The following SLC35F3 variants were observed in gnomAD, a reference collection of about 807,000 sequenced individuals.
The protein encoded by SLC35F3 is solute carrier family 35 member F3.
In SLC35F3, 25 loss-of-function variants were observed where a neutral mutation model predicts 49.9. The observed-to-expected ratio is 0.50, with a 90% CI of 0.37 to 0.70. The LOEUF is 0.70. Among genes scored for constraint, SLC35F3 ranks in the 30% least tolerant of loss-of-function variants. SLC35F3 has a pLI of 0.00. For missense variants in SLC35F3, 525 were observed against 639.8 expected, an observed-to-expected ratio of 0.82 and a Z score of 1.94; for synonymous variants, 275 against 265.4, an observed-to-expected ratio of 1.04 and a Z score of -0.35.
rs1657671485 is a variant in SLC35F3, at chr1:234,323,177, C to T, written c.1407C>T (p.Gly469=). The T allele has an allele frequency of 2.5e-6, 4 of 1,614,116 alleles. No individual in the cohort carries two copies. The highest frequency in any genetic ancestry group is 3.4e-6 in the Non-Finnish European group (4 of 1,180,022). ...KVRKKEEPAE[G]AADLSSGPQS... ...GGAAGAAGGAGGAGCCTGCAGAGGG[C>T]GCTGCCGACCTGAGCTCAGGACCTC... The change falls in exon 8 of 8, where the codon GGC becomes GGT. Residue 469 remains glycine (G), a synonymous_variant. Coordinates refer to ENST00000366618, the MANE Select transcript of SLC35F3 (RefSeq NM_173508.4). The surrounding 1 kb of genome is among the most constrained non-coding windows in gnomAD (Gnocchi z 4.5).
At chr1:234,058,575 C>T (rs1028147511) in intron 2 of SLC35F3, among the ~76,000 whole-genome samples, 1 of 152,030 alleles carries the variant, frequency 6.6e-6, no homozygotes, top group Non-Finnish European at 1.5e-5. Flanking sequence ...GAACTTCTGG[C>T]CTGAAATGAT....
intron 2 of SLC35F3, among the ~76,000 whole-genome samples, chr1:233,996,257 C>T (rs1663458662): frequency 6.6e-6 from 1 of 152,138 alleles, no homozygotes; most frequent in African/African-American, 2.4e-5. Flanking sequence ...ATAGCATTTA[C>T]ATTGTGTTAG....
intron 2 of SLC35F3, among the ~76,000 whole-genome samples, chr1:234,218,657 A>G (rs1667158028): frequency 6.6e-6 from 1 of 152,216 alleles, no homozygotes; most frequent in Non-Finnish European, 1.5e-5. Flanking sequence ...CCCAGGCTTC[A>G]AATCTATATC....
rs777344704 is a variant in SLC35F3, at chr1:234,231,411, C to A, written c.284-6C>A. 6.5e-7 allele frequency: 1 copy of A among 1,534,390 alleles called. No homozygotes were observed. The highest frequency in any genetic ancestry group is 1.3e-5 in the South Asian group (1 of 79,582). On this transcript the variant is annotated splice_polypyrimidine_tract_variant and splice_region_variant and intron_variant, in intron 2 of 7. Transcript: ENST00000366618. The surrounding 1 kb of genome is among the most constrained non-coding windows in gnomAD (Gnocchi z 5.4). ...GCCCCGCTAACCACGCCCTTCTCTT[C>A]CCCAGGGGAGGAGCGCCCCCGGGAC... is the stretch of plus-strand genomic sequence containing the variant.
chr1:234,283,265 C>G (rs1038539443), intron 3 of SLC35F3, among the ~76,000 whole-genome samples: 1 of 152,240 alleles, frequency 6.6e-6, no homozygotes, highest in Non-Finnish European at 1.5e-5. Context: ...TGCACATCAG[C>G]ATAAGCCAAA....
intron 2 of SLC35F3, among the ~76,000 whole-genome samples, chr1:233,988,934 A>C (rs528405865): frequency 6.6e-6 from 1 of 152,206 alleles, no homozygotes; most frequent in African/African-American, 2.4e-5. Flanking sequence ...GTGGAAAGCA[A>C]AGTTCTCCAA....
intron 2 of SLC35F3, among the ~76,000 whole-genome samples, chr1:234,216,603 GGGCTTGGCTTTGGAACTA>G (rs1558263199): frequency 6.6e-6 from 1 of 152,240 alleles, no homozygotes; most frequent in Non-Finnish European, 1.5e-5. Context: ...GCCTCGCCAC[GGGCTTGGCTTTGGAACTA>G]GCATTTCCTC....
At chr1:234,118,979 A>C (rs1665534323) in intron 2 of SLC35F3, among the ~76,000 whole-genome samples, 1 of 151,510 alleles carries the variant, frequency 6.6e-6, no homozygotes, top group Non-Finnish European at 1.5e-5. Flanking sequence ...CATCTAAATC[A>C]TTCTGTATTA....
chr1:234,227,686 C>A (rs146884298), intron 2 of SLC35F3, among the ~76,000 whole-genome samples: 1,555 of 152,320 alleles, frequency 0.01, 20 homozygotes, highest in African/African-American at 0.034. Flanking sequence ...GCGTGAGCCA[C>A]CGTGCCCGGC....
At chr1:234,059,049 G>C (rs1664498576) in intron 2 of SLC35F3, among the ~76,000 whole-genome samples, 1 of 151,954 alleles carries the variant, frequency 6.6e-6, no homozygotes, top group South Asian at 2.1e-4. Context: ...CTAATCATTT[G>C]AGTTTTCTCT....
chr1:234,054,604 G>A (rs755409138), intron 2 of SLC35F3, among the ~76,000 whole-genome samples: 2 of 152,170 alleles, frequency 1.3e-5, no homozygotes, highest in Non-Finnish European at 2.9e-5. Flanking sequence ...TTAGTTCAGA[G>A]AAGTTTATTA....
At chr1:233,990,569 T>C (rs781083841) in intron 2 of SLC35F3, among the ~76,000 whole-genome samples, 32 of 152,162 alleles carry the variant, frequency 2.1e-4, no homozygotes, top group Non-Finnish European at 4.6e-4. Context: ...TTAATAGCAA[T>C]GTATTGCATT....
chr1:234,005,391 C>T (rs1663613289), intron 2 of SLC35F3, among the ~76,000 whole-genome samples: 1 of 152,154 alleles, frequency 6.6e-6, no homozygotes. Context: ...TACAACCTGA[C>T]TTTCCTTATT....
intron 3 of SLC35F3, among the ~76,000 whole-genome samples, chr1:234,297,370 C>T (rs752869368): frequency 3.9e-5 from 6 of 152,154 alleles, no homozygotes; most frequent in Non-Finnish European, 8.8e-5. Context: ...TACCACAGCA[C>T]GATTCACAAT....
At chr1:234,208,126 G>C (rs949803530) in intron 2 of SLC35F3, among the ~76,000 whole-genome samples, 6 of 152,226 alleles carry the variant, frequency 3.9e-5, no homozygotes, top group African/African-American at 1.2e-4. Context: ...GGCCACTGCA[G>C]GTTGGCTGCT....
At chr1:233,951,215 C>A (rs1662602139) in intron 2 of SLC35F3, among the ~76,000 whole-genome samples, 1 of 151,946 alleles carries the variant, frequency 6.6e-6, no homozygotes, top group South Asian at 2.1e-4. Flanking sequence ...TGCAATGATG[C>A]TGCCATAAGA....
At chr1:234,082,838 A>G (rs1013755637) in intron 2 of SLC35F3, among the ~76,000 whole-genome samples, 2 of 152,134 alleles carry the variant, frequency 1.3e-5, no homozygotes, top group East Asian at 3.9e-4. Context: ...AACCGCCCCC[A>G]TGATTCAGTT....
At position 234,320,268 on chromosome 1, in the gene SLC35F3, GCATA is replaced by G; in HGVS notation, c.1237+88_1237+91del. ...CTCACACACACATACACACACTCAT[GCATA>G]CATACACACTCACACATACACTCAC... On this transcript the variant is annotated intron_variant, in intron 7 of 7. Coordinates refer to ENST00000366618, the MANE Select transcript of SLC35F3 (RefSeq NM_173508.4). This position sits in a 1 kb window ranked among gnomAD's most constrained non-coding sequence, Gnocchi z 4.8. The G allele has an allele frequency of 3.2e-6, 3 of 951,486 alleles. No individual in the cohort carries two copies. The highest frequency in any genetic ancestry group is 1.3e-5 in the South Asian group (1 of 75,738). The allele number at this position is 951,486 out of a possible 1,614,324, so 58.9% of individuals were successfully genotyped here.
At chr1:234,172,263 T>C (rs953185255) in intron 2 of SLC35F3, among the ~76,000 whole-genome samples, 24 of 152,228 alleles carry the variant, frequency 1.6e-4, no homozygotes, top group African/African-American at 5.8e-4. Context: ...TGACAAAGTC[T>C]TGCTCTTTCA....
Sources: allele counts gnomAD v4.1 joint callset (sites outside exome capture counted in the v4.1 genomes callset), GRCh38; gene constraint gnomAD v4.1.1; non-coding constraint Gnocchi (gnomAD v3.1); transcripts MANE v1.5; gene names NCBI Gene and HGNC (gene_info 2026-07-23, HGNC 2026-07-21).